Variants in CSMD2 observed in about 807,000 individuals in gnomAD.
CSMD2 encodes the protein CUB and sushi domain-containing protein 2.
Under a neutral mutation model 398.5 loss-of-function variants are expected in CSMD2, and 130 were observed. That is an observed-to-expected ratio of 0.33 (90% CI 0.28 to 0.38). CSMD2 has a LOEUF of 0.38. CSMD2 is among the 10% of genes least tolerant of loss of function. The pLI, the probability that CSMD2 is intolerant of heterozygous loss-of-function variation, is 1.00. For synonymous variants in CSMD2, 1,828 were observed against 1,908.5 expected, an observed-to-expected ratio of 0.96 and a Z score of 1.10; for missense variants, 3,829 against 4,764.9, an observed-to-expected ratio of 0.80 and a Z score of 5.78.
intron 19 of CSMD2, among the ~76,000 whole-genome samples, chr1:33,718,783 C>G (rs1402876950): frequency 6.6e-6 from 1 of 152,244 alleles, no homozygotes; most frequent in African/African-American, 2.4e-5. Flanking sequence ...AGATAAGCCT[C>G]TAATGCTAAA....
At chr1:34,106,188 C>T (rs1376293660) in intron 1 of CSMD2, among the ~76,000 whole-genome samples, 1 of 152,046 alleles carries the variant, frequency 6.6e-6, no homozygotes, top group Non-Finnish European at 1.5e-5. Flanking sequence ...ACAGACATGG[C>T]CCATCTTACT....
chr1:33,582,766 C>T (rs942918811), intron 47 of CSMD2, among the ~76,000 whole-genome samples: 2 of 152,082 alleles, frequency 1.3e-5, no homozygotes, highest in Non-Finnish European at 2.9e-5. Context: ...GGCCCAGGTC[C>T]GTCTCACAGT....
chr1:33,724,451 G>A, intron 18 of CSMD2, 65 bp downstream of exon 18: 1 of 1,572,068 alleles, frequency 6.4e-7, no homozygotes. Context: ...GGTCTTTTGA[G>A]CACCTGTGTT....
In CSMD2 at chr1:33,517,879, C is replaced by T. The variant is rs140631486; in HGVS notation, c.*54-1309G>A. Among the ~76,000 whole-genome samples the T allele has an allele frequency of 2.4e-4, 36 of 152,366 alleles. No homozygotes were observed. The East Asian group carries it at 6.4e-3, about 27-fold the overall frequency. On this transcript the variant is annotated intron_variant, in intron 70 of 70. Coordinates refer to ENST00000373381, the MANE Select transcript of CSMD2 (RefSeq NM_001281956.2). ...GGCTGGGCAGTGATAATGACATTTG[C>T]TGCTCTTGTAACCCCCTCCGCAGGA...
chr1:34,048,177 T>A (rs1652761260), intron 2 of CSMD2, among the ~76,000 whole-genome samples: 1 of 152,240 alleles, frequency 6.6e-6, no homozygotes, highest in Non-Finnish European at 1.5e-5. Context: ...GGCCAATGCC[T>A]TCTGGCAGTG....
chr1:33,942,497 G>A (rs907322575), intron 3 of CSMD2, among the ~76,000 whole-genome samples: 19 of 152,330 alleles, frequency 1.2e-4, no homozygotes, highest in African/African-American at 3.6e-4. Flanking sequence ...AGAGGGCCCC[G>A]CCCTGCTGGG....
rs1367578108 is a variant in CSMD2 at position 33,846,920 on chromosome 1, T to C, written c.997A>G (p.Asn333Asp). 6.2e-7 allele frequency: 1 copy of C among 1,610,030 alleles called. No individual in the cohort carries two copies. The part of the protein sequence containing the change: ...WLRLHFTSDG[N>D]HRQRGFSAQY... ...GCACTGAATCCGCGCTGCCGGTGGT[T>C]GCCATCCGATGTGAAGTGCAGTCGC... The change falls in exon 6 of 71, where the codon AAC becomes GAC. Residue 333 changes from asparagine (N) to aspartate (D), a missense_variant. Transcript: ENST00000373381.
chr1:33,825,964 C>T (rs1403384585), intron 6 of CSMD2, among the ~76,000 whole-genome samples, 190 bp from the exon 7 acceptor site: 1 of 152,180 alleles, frequency 6.6e-6, no homozygotes, highest in Non-Finnish European at 1.5e-5. Context: ...GGAAAAGTTA[C>T]TATCAAGGCT....
At chr1:33,855,199 T>C (rs923762837) in intron 5 of CSMD2, among the ~76,000 whole-genome samples, 1 of 152,186 alleles carries the variant, frequency 6.6e-6, no homozygotes, top group Admixed American at 6.5e-5. Flanking sequence ...TACTCTCTTA[T>C]GAAGACCAGA....
chr1:33,557,697 CCCCAT>C, intron 55 of CSMD2, 32 bp downstream of exon 55: 1 of 1,524,528 alleles, frequency 6.6e-7, no homozygotes, highest in Non-Finnish European at 8.8e-7. Context: ...ACACGGGCCA[CCCCAT>C]CAGTCATTTT....
Position 33,546,022 on chromosome 1 carries a change from G to T in CSMD2, c.9100+15C>A. 1.2e-6 allele frequency: 2 copies of T among 1,600,778 alleles called. No homozygotes were observed. The highest frequency in any genetic ancestry group is 1.3e-5 in the African/African-American group (1 of 74,812). ...GCTGGGCAAAGGGGAGAAGCAGAAT[G>T]GTCACATACATTACCTCCACACTCA... On this transcript the variant is annotated intron_variant, in intron 57 of 70. Transcript: ENST00000373381.
intron 3 of CSMD2, among the ~76,000 whole-genome samples, chr1:33,980,117 C>T (rs1371562769): frequency 6.6e-5 from 10 of 152,130 alleles, no homozygotes; most frequent in Non-Finnish European, 2.9e-5. Context: ...ACCCTCAACT[C>T]TTATCTGGGG....
At chr1:34,059,705 G>A (rs368377220) in intron 2 of CSMD2, among the ~76,000 whole-genome samples, 69 of 139,938 alleles carry the variant, frequency 4.9e-4, no homozygotes, top group African/African-American at 1.8e-3. Flanking sequence ...GTAACTATGT[G>A]GGGAATGAAT....
intron 5 of CSMD2, among the ~76,000 whole-genome samples, chr1:33,876,068 T>C (rs1640820298): frequency 6.6e-6 from 1 of 152,182 alleles, no homozygotes; most frequent in South Asian, 2.1e-4. Flanking sequence ...GGGGCTGCTG[T>C]TCTCCTTCTC....
chr1:34,086,436 T>A (rs1225928042), intron 2 of CSMD2, among the ~76,000 whole-genome samples: 1 of 152,208 alleles, frequency 6.6e-6, no homozygotes, highest in East Asian at 1.9e-4. Context: ...CACCTGGATA[T>A]CTAATAGACA....
intron 4 of CSMD2, among the ~76,000 whole-genome samples, chr1:33,920,542 CAAAAAAAA>C (rs58865984): frequency 2.4e-5 from 2 of 84,214 alleles, no homozygotes; most frequent in African/African-American, 7.4e-5. Context: ...CAATCTGTCT[CAAAAAAAA>C]AAAAAAAAAA....
intron 27 of CSMD2, 108 bp downstream of exon 27, chr1:33,657,838 T>C: frequency 8.9e-7 from 1 of 1,123,964 alleles, no homozygotes; most frequent in Non-Finnish European, 1.3e-6. Context: ...TTTGTCTGTT[T>C]CAATTCTCTT....
intron 12 of CSMD2, among the ~76,000 whole-genome samples, chr1:33,780,819 G>A (rs757635643): frequency 3.3e-5 from 5 of 152,162 alleles, no homozygotes; most frequent in African/African-American, 7.2e-5. Flanking sequence ...GAAACTCAGC[G>A]GGCATCTTAG....
chr1:34,069,012 T>A (rs552560940), intron 2 of CSMD2, among the ~76,000 whole-genome samples: 1 of 152,134 alleles, frequency 6.6e-6, no homozygotes, highest in Non-Finnish European at 1.5e-5. Context: ...ATCAGCAGCA[T>A]GAAAAATGGA....
Sources: allele counts gnomAD v4.1 joint callset (sites outside exome capture counted in the v4.1 genomes callset), GRCh38; gene constraint gnomAD v4.1.1; transcripts MANE v1.5; gene names NCBI Gene and HGNC (gene_info 2026-07-23, HGNC 2026-07-21).